The following ADAMTSL1 variants were observed in gnomAD, a reference collection of about 807,000 sequenced individuals.
ADAMTSL1 encodes the protein ADAMTS-like protein 1.
ADAMTSL1 carries 126 observed loss-of-function variants against 201.8 expected under a neutral mutation model. The ratio of observed to expected loss-of-function variants is 0.62; its 90% CI spans 0.54 to 0.72. The LOEUF is 0.72. Ranked by LOEUF, ADAMTSL1 falls within the 30% of genes least tolerant of loss-of-function variation. The pLI is 0.00. For synonymous variants in ADAMTSL1, 1,121 were observed against 903.4 expected, an observed-to-expected ratio of 1.24 and a Z score of -4.32; for missense variants, 2,679 against 2,277.8, an observed-to-expected ratio of 1.18 and a Z score of -3.59.
At chr9:18,401,625 T>A (rs539998449) in intron 2 of ADAMTSL1, among the ~76,000 whole-genome samples, 2 of 152,336 alleles carry the variant, frequency 1.3e-5, no homozygotes, top group African/African-American at 4.8e-5. Flanking sequence ...CCACCCTTGG[T>A]TAATGGTTGC....
intron 2 of ADAMTSL1, among the ~76,000 whole-genome samples, chr9:18,330,497 T>C (rs1306017298): frequency 6.6e-5 from 10 of 152,182 alleles, no homozygotes; most frequent in Non-Finnish European, 1.3e-4. Context: ...CTCAGGGTCT[T>C]GCTTTCCATG....
At chr9:18,454,147 G>T (rs1820517433) in intron 2 of ADAMTSL1, among the ~76,000 whole-genome samples, 1 of 152,162 alleles carries the variant, frequency 6.6e-6, no homozygotes, top group Non-Finnish European at 1.5e-5. Context: ...AAGTCTGAAA[G>T]CCTCAGAACC....
intron 2 of ADAMTSL1, among the ~76,000 whole-genome samples, chr9:18,196,466 G>A (rs1829188148): frequency 6.6e-6 from 1 of 152,052 alleles, no homozygotes; most frequent in African/African-American, 2.4e-5. Context: ...AACCAGAGTA[G>A]ATGGGCCTCC....
intron 19 of ADAMTSL1, among the ~76,000 whole-genome samples, chr9:18,782,012 C>A (rs1372089486): frequency 1.3e-5 from 2 of 152,202 alleles, no homozygotes; most frequent in African/African-American, 4.8e-5. Flanking sequence ...CTGTCAACTT[C>A]TCAAGCAGTC....
rs543580624 is a variant in ADAMTSL1 at position 18,889,662 on chromosome 9, C to G, written c.4557C>G (p.Ser1519Arg). 4.0e-5 allele frequency: 65 copies of G among 1,610,878 alleles called. No homozygotes were observed. The highest frequency in any genetic ancestry group is 3.3e-4 in the Middle Eastern group (2 of 6,044). ...CCCGCTTGAGGTGCCTGCTGAACAG[C>G]ACGGAGGTCAACCCTGCCCACTGCG... The part of the protein sequence containing the change: ...QQPRLRCLLN[S>R]TEVNPAHCAG... Residue 1519 changes from serine (S) to arginine (R), a missense_variant, in exon 25 of 29, where the codon AGC becomes AGG. Transcript: ENST00000380548.
At chr9:18,492,960 A>G (rs995666908) in intron 1 of ADAMTSL1, among the ~76,000 whole-genome samples, 1 of 152,194 alleles carries the variant, frequency 6.6e-6, no homozygotes, top group African/African-American at 2.4e-5. Flanking sequence ...AACATTTTAA[A>G]ATTAAAAGTG....
At chr9:18,429,444 G>C (rs1213359545) in intron 2 of ADAMTSL1, among the ~76,000 whole-genome samples, 1 of 152,118 alleles carries the variant, frequency 6.6e-6, no homozygotes, top group Non-Finnish European at 1.5e-5. Context: ...ATGTGTCTGT[G>C]TGCTAGTGTG....
chr9:18,826,550 C>A, intron 22 of ADAMTSL1, 87 bp downstream of exon 22: 2 of 1,438,912 alleles, frequency 1.4e-6, no homozygotes, highest in Non-Finnish European at 1.9e-6. Context: ...TGCCCTAATC[C>A]AATTAAGGAC....
At chr9:18,055,875 C>T (rs928329) in intron 1 of ADAMTSL1, among the ~76,000 whole-genome samples, 4,469 of 152,270 alleles carry the variant, frequency 0.029, 165 homozygotes, top group African/African-American at 0.088. Flanking sequence ...GGGCTTGAAG[C>T]CCCTGTGAGG....
chr9:18,055,217 G>A (rs1297141111), intron 1 of ADAMTSL1, among the ~76,000 whole-genome samples: 1 of 152,208 alleles, frequency 6.6e-6, no homozygotes, highest in African/African-American at 2.4e-5. Flanking sequence ...TTCATAGTCA[G>A]TTTAGTAAAA....
rs187072355 is a variant in ADAMTSL1, at chr9:18,670,976, A to G, written c.1086-4881A>G. 7.3e-4 allele frequency among the ~76,000 whole-genome samples: 111 copies of G among 152,238 alleles called. 1 individual carries two copies. The highest frequency in any genetic ancestry group is 2.6e-3 in the African/African-American group (107 of 41,530). ...TATATCCACCCTCTGTGTACTTTAAATCATCTCTAGATTATGTATAATACC... is the reference window on the plus strand; with the variant it reads ...TATATCCACCCTCTGTGTACTTTAAGTCATCTCTAGATTATGTATAATACC... On this transcript the variant is annotated intron_variant, in intron 9 of 28. Transcript: ENST00000380548.
At chr9:17,982,373 G>A (rs1818741515) in intron 1 of ADAMTSL1, among the ~76,000 whole-genome samples, 1 of 152,146 alleles carries the variant, frequency 6.6e-6, no homozygotes, top group Non-Finnish European at 1.5e-5. Flanking sequence ...CCAGCACTTT[G>A]GGAGGCGGAG....
intron 13 of ADAMTSL1, among the ~76,000 whole-genome samples, chr9:18,696,914 T>C (rs1462219097): frequency 7.9e-6 from 1 of 125,870 alleles, no homozygotes; most frequent in Non-Finnish European, 1.7e-5. Flanking sequence ...GGAGTCTTGC[T>C]TTGTCGCCAG....
chr9:18,409,383 C>CAAAAAAAAA (rs781106126), intron 2 of ADAMTSL1, among the ~76,000 whole-genome samples: 25 of 77,120 alleles, frequency 3.2e-4, no homozygotes, highest in South Asian at 4.7e-4. Context: ...AACTCCGTCT[C>CAAAAAAAAA]AAAAAAAAAA....
chr9:18,298,050 A>G (rs1165553676), intron 2 of ADAMTSL1, among the ~76,000 whole-genome samples: 1 of 152,256 alleles, frequency 6.6e-6, no homozygotes, highest in Non-Finnish European at 1.5e-5. Context: ...CCATTCTGCT[A>G]ACCCATTGTT....
At chr9:18,025,062 C>G (rs1271474245) in intron 1 of ADAMTSL1, among the ~76,000 whole-genome samples, 1 of 151,966 alleles carries the variant, frequency 6.6e-6, no homozygotes, top group African/African-American at 2.4e-5. Flanking sequence ...ACCTGTATGT[C>G]TTCTTTTAAG....
intron 23 of ADAMTSL1, among the ~76,000 whole-genome samples, chr9:18,867,928 A>C (rs1434733090): frequency 6.6e-6 from 1 of 152,196 alleles, no homozygotes; most frequent in South Asian, 2.1e-4. Context: ...GCCTGGCTGA[A>C]ATACATACAT....
rs796530554 is a variant in ADAMTSL1, at chr9:18,167,842, G to A, written c.207+3861G>A. Among the ~76,000 whole-genome samples the A allele has an allele frequency of 1.7e-4, 26 of 151,566 alleles. No homozygotes were observed. In the East Asian group the frequency reaches 4.1e-3, roughly 24 times the overall value. On this transcript the variant is annotated intron_variant, in intron 2 of 29. Coordinates refer to the ADAMTSL1 transcript ENST00000680146. Reference sequence around the variant, plus strand: ...TGGCTACTATTTTAGAATATTTAGTGGACATAAATTCAAAGAAAATAGAAA... The same window carrying A: ...TGGCTACTATTTTAGAATATTTAGTAGACATAAATTCAAAGAAAATAGAAA...
At chr9:18,354,239 T>A (rs1836110580) in intron 2 of ADAMTSL1, among the ~76,000 whole-genome samples, 1 of 151,914 alleles carries the variant, frequency 6.6e-6, no homozygotes, top group Non-Finnish European at 1.5e-5. Context: ...ATAATTTAAT[T>A]AACTAGTCAT....
Sources: allele counts gnomAD v4.1 joint callset (sites outside exome capture counted in the v4.1 genomes callset), GRCh38; gene constraint gnomAD v4.1.1; transcripts MANE v1.5; gene names NCBI Gene and HGNC (gene_info 2026-07-23, HGNC 2026-07-21).